NCOA1: variants seen among roughly 807,000 people sequenced by gnomAD.
The protein encoded by NCOA1 is nuclear receptor coactivator 1.
A neutral mutation model predicts 150.9 loss-of-function variants in NCOA1; 35 were observed. That is an observed-to-expected ratio of 0.23 (90% CI 0.18 to 0.31). The LOEUF (loss-of-function observed/expected upper bound fraction) is 0.31, where lower values mean the gene tolerates loss of function less well. Ranked by LOEUF, NCOA1 falls within the 10% of genes least tolerant of loss-of-function variation. The pLI is 1.00. For missense variants in NCOA1, 1,491 were observed against 1,749.3 expected, an observed-to-expected ratio of 0.85 and a Z score of 2.63; for synonymous variants, 590 against 630.0, an observed-to-expected ratio of 0.94 and a Z score of 0.95.
At chr2:24,549,557 T>C (rs889444840) in intron 1 of NCOA1, among the ~76,000 whole-genome samples, 2 of 152,116 alleles carry the variant, frequency 1.3e-5, no homozygotes. Context: ...TTTTTCCATA[T>C]TTTTATGCTC....
chr2:24,659,213 T>G (rs151091009), intron 5 of NCOA1: 150 of 167,948 alleles, frequency 8.9e-4, no homozygotes, highest in African/African-American at 3.4e-3. Context: ...CATTGTATCC[T>G]TAGTTCCTAA....
At chr2:24,627,121 G>GTTTTTTTTTTTTTTTTTTTTT (rs33949925) in intron 3 of NCOA1, among the ~76,000 whole-genome samples, 1 of 115,160 alleles carries the variant, frequency 8.7e-6, no homozygotes, top group East Asian at 2.5e-4. Context: ...GTTTTTTGCT[G>GTTTTTTTTTTTTTTTTTTTTT]TTTTTTTTTT....
At chr2:24,685,265 A>C (rs1672350353) in intron 8 of NCOA1, among the ~76,000 whole-genome samples, 1 of 152,174 alleles carries the variant, frequency 6.6e-6, no homozygotes. Flanking sequence ...TTCAGTGTCT[A>C]AAATCTGTAC....
chr2:24,741,042 T>A (rs1663575076), intron 18 of NCOA1, among the ~76,000 whole-genome samples: 1 of 152,214 alleles, frequency 6.6e-6, no homozygotes, highest in Non-Finnish European at 1.5e-5. Flanking sequence ...ACAAAATAGC[T>A]GTTTCCATTT....
chr2:24,728,333 G>A lies in NCOA1; in HGVS notation c.2743G>A (p.Glu915Lys), dbSNP rs1405129503. The change falls in exon 16 of 23, where the codon GAG becomes AAG. Residue 915 changes from glutamate to lysine, a missense_variant. By Grantham distance (56) the Glu-to-Lys change is moderately conservative. Transcript: ENST00000348332. ...CCAGTGTATTAGCTCACAATTAGATGAGCTTCTCTGTCCACCCACAACAGT... is the reference window on the plus strand; with the variant it reads ...CCAGTGTATTAGCTCACAATTAGATAAGCTTCTCTGTCCACCCACAACAGT... Reference protein sequence around the residue: ...EDQCISSQLDELLCPPTTVEG... With the variant: ...EDQCISSQLDKLLCPPTTVEG... 4 of 1,612,650 alleles carry A rather than the reference G, an allele frequency of 2.5e-6. No individual in the cohort carries two copies. The highest frequency in any genetic ancestry group is 2.5e-6 in the Non-Finnish European group (3 of 1,179,356).
At chr2:24,548,008 A>AAAAAAAT (rs1553426819) in intron 1 of NCOA1, among the ~76,000 whole-genome samples, 1 of 150,068 alleles carries the variant, frequency 6.7e-6, no homozygotes, top group African/African-American at 2.5e-5. Flanking sequence ...AAAAAAAAAA[A>AAAAAAAT]GGATGAGGGA....
At chr2:24,644,835 T>G (rs1670393521) in intron 4 of NCOA1, among the ~76,000 whole-genome samples, 1 of 152,198 alleles carries the variant, frequency 6.6e-6, no homozygotes, top group African/African-American at 2.4e-5. Context: ...ACTTTTTATT[T>G]ATTATGTACT....
At chr2:24,618,719 T>C (rs957912587) in intron 3 of NCOA1, among the ~76,000 whole-genome samples, 8 of 151,784 alleles carry the variant, frequency 5.3e-5, no homozygotes, top group Non-Finnish European at 1.0e-4. Context: ...TGTTCCCCCC[T>C]CCTGTATTCA....
intron 1 of NCOA1, among the ~76,000 whole-genome samples, chr2:24,529,044 G>A (rs371403339): frequency 6.6e-6 from 1 of 152,140 alleles, no homozygotes; most frequent in East Asian, 1.9e-4. Context: ...CCGCCACCAC[G>A]CCTGGCTAAT....
intron 20 of NCOA1, among the ~76,000 whole-genome samples, chr2:24,754,858 C>T (rs189208120): frequency 5.3e-5 from 8 of 152,328 alleles, no homozygotes; most frequent in African/African-American, 1.2e-4. Flanking sequence ...CCTAAGTCAA[C>T]ATCTTGGATT....
chr2:24,661,371 T>C (rs1384331627), intron 5 of NCOA1, among the ~76,000 whole-genome samples: 1 of 152,186 alleles, frequency 6.6e-6, no homozygotes, highest in Admixed American at 6.5e-5. Flanking sequence ...TGTTCTTTTA[T>C]TTTTTGTTTC....
At chr2:24,686,641 C>T (rs1291038414) in intron 8 of NCOA1, among the ~76,000 whole-genome samples, 1 of 152,086 alleles carries the variant, frequency 6.6e-6, no homozygotes, top group Non-Finnish European at 1.5e-5. Flanking sequence ...TGTCTTTTTG[C>T]ATAAATATGT....
At chr2:24,547,087 A>C (rs538721588) in intron 1 of NCOA1, among the ~76,000 whole-genome samples, 1 of 152,336 alleles carries the variant, frequency 6.6e-6, no homozygotes, top group South Asian at 2.1e-4. Context: ...AAAGGAAATA[A>C]TCAATGGCGG....
rs746939989 is a variant in NCOA1 at position 24,706,589 on chromosome 2, T to G, written c.1119T>G (p.Pro373=). ...IIDREHSGLS[P]QDDTNSGMSI... ...CTAGGGAGCACAGTGGGCTTTCTCC[T>G]CAAGATGACACTAATTCTGGAATGT... is the stretch of plus-strand genomic sequence containing the variant. Residue 373 remains proline (P), a synonymous_variant, in exon 13 of 23, where the codon CCT becomes CCG. Transcript: ENST00000348332. 1.2e-6 allele frequency: 2 copies of G among 1,612,458 alleles called. No individual in the cohort carries two copies. The highest frequency in any genetic ancestry group is 1.7e-6 in the Non-Finnish European group (2 of 1,178,638).
At chr2:24,649,050 T>TA (rs1670601451) in intron 4 of NCOA1, among the ~76,000 whole-genome samples, 1 of 152,048 alleles carries the variant, frequency 6.6e-6, no homozygotes, top group South Asian at 2.1e-4. Flanking sequence ...AAGAGGTTAG[T>TA]AAAAAGAGGC....
chr2:24,742,686 T>G (rs921201899), intron 19 of NCOA1, among the ~76,000 whole-genome samples: 1 of 151,720 alleles, frequency 6.6e-6, no homozygotes, highest in Non-Finnish European at 1.5e-5. Flanking sequence ...GGTCTTGAAC[T>G]CCTGACCTCA....
intron 22 of NCOA1, among the ~76,000 whole-genome samples, chr2:24,767,213 A>C (rs11892043): frequency 6.6e-6 from 1 of 152,038 alleles, no homozygotes; most frequent in Non-Finnish European, 1.5e-5. Flanking sequence ...AGTGTAATTG[A>C]CATGAATTAG....
At chr2:24,737,967 G>T (rs771014350) in intron 17 of NCOA1, among the ~76,000 whole-genome samples, 11 of 152,028 alleles carry the variant, frequency 7.2e-5, no homozygotes, top group Non-Finnish European at 1.6e-4. Context: ...ATCAGTTTTG[G>T]TATTTAAGAG....
At chr2:24,596,331 AT>A (rs1185537875) in intron 3 of NCOA1, among the ~76,000 whole-genome samples, 2 of 152,142 alleles carry the variant, frequency 1.3e-5, no homozygotes, top group African/African-American at 2.4e-5. Flanking sequence ...TTTGGTTAAT[AT>A]TGGGAAATGT....
Sources: gnomAD v4.1 joint callset for allele counts (sites outside exome capture counted in the v4.1 genomes callset) on GRCh38, gnomAD v4.1.1 for gene constraint, MANE v1.5 for transcripts, NCBI Gene and HGNC (gene_info 2026-07-23, HGNC 2026-07-21) for gene names.